SCRN1: variants seen among roughly 807,000 people sequenced by gnomAD.
SCRN1 encodes secernin 1.
In SCRN1, 19 loss-of-function variants were observed where a neutral mutation model predicts 43.3. The observed-to-expected ratio is 0.44, with a 90% CI of 0.31 to 0.64. SCRN1 has a LOEUF of 0.64. SCRN1 is among the 30% of genes least tolerant of loss of function. SCRN1 has a pLI of 0.09. For synonymous variants in SCRN1, 183 were observed against 188.9 expected, an observed-to-expected ratio of 0.97 and a Z score of 0.26; for missense variants, 447 against 524.1, an observed-to-expected ratio of 0.85 and a Z score of 1.44.
chr7:29,989,885 C>G (rs1032197001), upstream of SCRN1: 4 of 1,038,724 alleles, frequency 3.9e-6, no homozygotes, highest in Non-Finnish European at 4.6e-6. Context: ...CCCACCCCGG[C>G]CCCCGGGGCC....
At chr7:29,926,410 C>T in intron 7 of SCRN1, 42 bp downstream of exon 7, 1 of 1,597,314 alleles carries the variant, frequency 6.3e-7, no homozygotes, top group South Asian at 1.1e-5. Context: ...ACCTCGCCCG[C>T]CCGCCTCCGC....
upstream of SCRN1, chr7:29,990,115 G>A (rs1361334615): frequency 6.1e-5 from 95 of 1,550,342 alleles, no homozygotes; most frequent in East Asian, 2.1e-3. Flanking sequence ...TCTTCCCGAC[G>A]TTTGGTTGCT....
At position 29,936,703 on chromosome 7, in the gene SCRN1, G is replaced by T; in HGVS notation, c.758C>A (p.Thr253Asn). The change falls in exon 6 of 8, where the codon ACT becomes AAT. Residue 253 changes from threonine to asparagine, a missense_variant. Thr to Asn is a moderately conservative substitution (Grantham distance 65). Coordinates refer to ENST00000242059, the MANE Select transcript of SCRN1 (RefSeq NM_014766.5). ...EKQEESITVQ[T>N]MMNTLRDKAS... ...TTTGTCCCGTAAGGTGTTCATCATAGTCTGCACTGTGATGCTTTCTGCAAA... is the reference window on the plus strand; with the variant it reads ...TTTGTCCCGTAAGGTGTTCATCATATTCTGCACTGTGATGCTTTCTGCAAA... 6.4e-7 allele frequency: 1 copy of T among 1,554,874 alleles called. No individual in the cohort carries two copies.
intron 6 of SCRN1, among the ~76,000 whole-genome samples, chr7:29,930,460 T>A (rs1787120010): frequency 6.6e-6 from 1 of 152,092 alleles, no homozygotes; most frequent in Admixed American, 6.5e-5. Context: ...CCACAGACGG[T>A]AGCTTCTTAA....
rs901398182 is a variant in SCRN1 at position 29,950,482 on chromosome 7, G to A, written c.341+4697C>T. 1.5e-4 allele frequency among the ~76,000 whole-genome samples: 23 copies of A among 152,338 alleles called. No homozygotes were observed. Among genetic ancestry groups the A allele is most frequent in the African/African-American group, 5.1e-4 (21 of 41,572 alleles). On this transcript the variant is annotated intron_variant, in intron 3 of 7. Transcript: ENST00000242059. This position sits in a 1 kb window ranked among gnomAD's most constrained non-coding sequence, Gnocchi z 4.5. ...CAGTTTCCTGGGCGGAAAGGAGCAGGTCCCCAGTGAAACCCCACCTTCAAG... is the reference window on the plus strand; with the variant it reads ...CAGTTTCCTGGGCGGAAAGGAGCAGATCCCCAGTGAAACCCCACCTTCAAG...
At chr7:29,955,153 T>G (rs1356840786) in intron 3 of SCRN1, 26 bp downstream of exon 3, 18 of 1,590,334 alleles carry the variant, frequency 1.1e-5, no homozygotes, top group Non-Finnish European at 1.3e-5. Flanking sequence ...TCTAGGAAGT[T>G]GTTTCAAAGA....
chr7:29,957,093 A>G (rs1788161888), intron 2 of SCRN1, among the ~76,000 whole-genome samples: 1 of 152,242 alleles, frequency 6.6e-6, no homozygotes, highest in African/African-American at 2.4e-5. Flanking sequence ...TTTATCATAC[A>G]GGTTTTTAAA....
At chr7:29,973,709 C>G (rs1788729995) in intron 1 of SCRN1, among the ~76,000 whole-genome samples, 1 of 152,122 alleles carries the variant, frequency 6.6e-6, no homozygotes. Flanking sequence ...AAGAAGTTGC[C>G]TGTGATAGGA....
At position 29,923,890 on chromosome 7, in the gene SCRN1, G is replaced by T; in HGVS notation, c.*67C>A. ...CTCATTTTACTCAAACAGGAGAGTGGTTTGTTTTGCTGGTAATTTAGTAAG... is the reference window on the plus strand; with the variant it reads ...CTCATTTTACTCAAACAGGAGAGTGTTTTGTTTTGCTGGTAATTTAGTAAG... On this transcript the variant is annotated 3_prime_UTR_variant, in exon 8 of 8. Transcript: ENST00000242059. 6.6e-7 allele frequency: 1 copy of T among 1,504,168 alleles called. No individual in the cohort carries two copies. Among genetic ancestry groups the T allele is most frequent in the Non-Finnish European group, 9.0e-7 (1 of 1,113,838 alleles). The allele number at this position is 1,504,168 out of a possible 1,614,324, so 93.2% of individuals were successfully genotyped here.
intron 1 of SCRN1, among the ~76,000 whole-genome samples, chr7:29,974,974 G>A (rs113158320): frequency 3.3e-5 from 5 of 152,216 alleles, no homozygotes; most frequent in African/African-American, 1.2e-4. Context: ...GAGCCACCGT[G>A]CTCAGCCCTA....
intron 1 of SCRN1, among the ~76,000 whole-genome samples, chr7:29,979,440 AAT>A (rs1424176299): frequency 3.9e-5 from 6 of 152,344 alleles, no homozygotes; most frequent in African/African-American, 9.6e-5. Context: ...ATATGTAATG[AAT>A]ATATGTTATG....
chr7:29,989,632 C>T lies in SCRN1; in HGVS notation c.-2+10G>A. On this transcript the variant is annotated intron_variant, in intron 1 of 7. Coordinates refer to ENST00000242059, the MANE Select transcript of SCRN1 (RefSeq NM_014766.5). ...GCTGCAAACGCCCTGCGCTCCCAGA[C>T]GCGGCTCACCTGGGGCGGCGGGCTC... 1 of 985,618 alleles carries T rather than the reference C, an allele frequency of 1.0e-6. No homozygotes were observed. Among genetic ancestry groups the T allele is most frequent in the Non-Finnish European group, 1.2e-6 (1 of 830,116 alleles). The allele number at this position is 985,618 out of a possible 1,614,324, so 61.1% of individuals were successfully genotyped here.
chr7:29,941,191 G>A (rs868230184), intron 4 of SCRN1, among the ~76,000 whole-genome samples: 23 of 152,140 alleles, frequency 1.5e-4, no homozygotes, highest in African/African-American at 5.6e-4. Flanking sequence ...GCATTCATTA[G>A]TTACATGCAA....
chr7:29,984,444 G>A (rs969616767), intron 1 of SCRN1, among the ~76,000 whole-genome samples: 3 of 151,646 alleles, frequency 2.0e-5, no homozygotes, highest in Non-Finnish European at 4.4e-5. Context: ...TTTTTTTAAT[G>A]AGAAACTAGG....
chr7:29,940,555 G>C (rs768145547), intron 5 of SCRN1, 127 bp downstream of exon 5: 7 of 786,264 alleles, frequency 8.9e-6, no homozygotes, highest in Non-Finnish European at 1.4e-5. Flanking sequence ...AGCAGAAGTT[G>C]GTCTTTACAT....
At chr7:29,972,940 A>C (rs1788709722) in intron 1 of SCRN1, among the ~76,000 whole-genome samples, 1 of 152,224 alleles carries the variant, frequency 6.6e-6, no homozygotes, top group Non-Finnish European at 1.5e-5. Context: ...ACATGTAGCT[A>C]GTAGAAACTC....
upstream of SCRN1, chr7:29,989,877 C>T (rs532256519): frequency 6.8e-6 from 7 of 1,030,194 alleles, no homozygotes; most frequent in Admixed American, 5.7e-5. Context: ...CCGCCTCCCC[C>T]ACCCCGGCCC....
intron 1 of SCRN1, among the ~76,000 whole-genome samples, chr7:29,970,854 A>T (rs983256665): frequency 6.6e-6 from 1 of 152,070 alleles, no homozygotes; most frequent in African/African-American, 2.4e-5. Context: ...TCTATAAAGG[A>T]CTCTCATTTA....
chr7:29,933,259 T>C (rs1038891139), intron 6 of SCRN1, among the ~76,000 whole-genome samples: 2 of 152,180 alleles, frequency 1.3e-5, no homozygotes, highest in East Asian at 3.8e-4. Flanking sequence ...ACTATATCTC[T>C]GAAAAAAATA....
Sources: allele counts gnomAD v4.1 joint callset (sites outside exome capture counted in the v4.1 genomes callset), GRCh38; gene constraint gnomAD v4.1.1; non-coding constraint Gnocchi (gnomAD v3.1); transcripts MANE v1.5; gene names NCBI Gene and HGNC (gene_info 2026-07-23, HGNC 2026-07-21).